The following GRM7 variants were observed in gnomAD, a reference collection of about 807,000 sequenced individuals.
GRM7 encodes the protein metabotropic glutamate receptor 7.
In GRM7, 35 loss-of-function variants were observed where a neutral mutation model predicts 84.5. The ratio of observed to expected loss-of-function variants is 0.41; its 90% confidence interval spans 0.32 to 0.55. The LOEUF is 0.55. GRM7 is among the 20% of genes least tolerant of loss of function. GRM7 has a pLI of 0.19. For missense variants in GRM7, 1,003 were observed against 1,194.6 expected (o/e 0.84, Z 2.36); for synonymous variants, 487 against 455.1 (o/e 1.07, Z -0.89).
chr3:7,350,399 T>C (rs767692156), intron 4 of GRM7, among the ~76,000 whole-genome samples: 17 of 152,068 alleles, frequency 1.1e-4, no homozygotes, highest in Middle Eastern at 3.4e-3. Flanking sequence ...AGTTCTTGAT[T>C]TGGTTGTTTA....
At chr3:7,260,673 T>TTTTGTGTGTGTG (rs1553638949) in intron 2 of GRM7, among the ~76,000 whole-genome samples, 2 of 144,428 alleles carry the variant, frequency 1.4e-5, no homozygotes, top group South Asian at 2.3e-4. Flanking sequence ...TTCTTTTGAA[T>TTTTGTGTGTGTG]TGTGTGTGTG....
chr3:7,419,827 A>G (rs1053713983), intron 5 of GRM7, among the ~76,000 whole-genome samples: 3 of 152,194 alleles, frequency 2.0e-5, no homozygotes, highest in African/African-American at 7.2e-5. Flanking sequence ...TCGCGATGAC[A>G]GAAGATGAAT....
At chr3:7,320,710 G>GTGTA (rs1318478631) in intron 4 of GRM7, among the ~76,000 whole-genome samples, 2 of 151,252 alleles carry the variant, frequency 1.3e-5, no homozygotes, top group African/African-American at 2.4e-5. Flanking sequence ...GTGTGTGTGT[G>GTGTA]TGTGTGTGTG....
intron 7 of GRM7, among the ~76,000 whole-genome samples, chr3:7,499,846 C>T (rs1699827345): frequency 6.6e-6 from 1 of 151,236 alleles, no homozygotes; most frequent in Non-Finnish European, 1.5e-5. Context: ...TCAATCTCGG[C>T]TCACTGCAAG....
chr3:7,427,386 G>A (rs1245909305), intron 5 of GRM7, among the ~76,000 whole-genome samples: 1 of 152,086 alleles, frequency 6.6e-6, no homozygotes, highest in Non-Finnish European at 1.5e-5. Context: ...CATTTTATGT[G>A]TTATGAAGAA....
rs866209584 is a variant in GRM7, at chr3:7,679,967, G to A, written c.2452-82G>A. On this transcript the variant is annotated intron_variant, in intron 8 of 9. Coordinates refer to ENST00000357716, the MANE Select transcript of GRM7 (RefSeq NM_000844.4). ...ATTGCTTTATCTCCTAGCCATAGTC[G>A]TTCTTGACATCGCTTTAAGTGTTCA... The A allele has an allele frequency of 1.3e-4, 176 of 1,317,354 alleles. 2 individuals carry two copies. The highest frequency in any genetic ancestry group is 2.6e-4 in the Admixed American group (14 of 54,096). 81.6% of individuals were successfully genotyped at this position (1,317,354 alleles called of 1,614,324 possible). A position where few individuals can be genotyped will look rare whatever the true frequency, so the allele number is the denominator to read the frequency against.
At chr3:7,315,503 C>G (rs903907286) in intron 4 of GRM7, among the ~76,000 whole-genome samples, 1 of 152,148 alleles carries the variant, frequency 6.6e-6, no homozygotes, top group Non-Finnish European at 1.5e-5. Flanking sequence ...TCCCTATTCT[C>G]CACCCTGAGA....
At chr3:7,714,657 C>A (rs1296852720) in intron 9 of GRM7, among the ~76,000 whole-genome samples, 2 of 152,180 alleles carry the variant, frequency 1.3e-5, no homozygotes, top group African/African-American at 4.8e-5. Context: ...CTGCCTAATG[C>A]TGACTTTGTG....
chr3:7,545,541 T>A (rs926228348), intron 7 of GRM7, among the ~76,000 whole-genome samples: 1 of 152,210 alleles, frequency 6.6e-6, no homozygotes, highest in Non-Finnish European at 1.5e-5. Flanking sequence ...AGTAGTGGCT[T>A]ATTCAGCTTG....
chr3:7,267,041 T>C (rs759471394), intron 2 of GRM7, among the ~76,000 whole-genome samples: 2 of 152,248 alleles, frequency 1.3e-5, no homozygotes, highest in Non-Finnish European at 2.9e-5. Flanking sequence ...TCCTATCTGG[T>C]GCTTTTGTAT....
At chr3:7,568,922 G>A (rs1041328779) in intron 7 of GRM7, among the ~76,000 whole-genome samples, 23 of 151,990 alleles carry the variant, frequency 1.5e-4, no homozygotes, top group Non-Finnish European at 2.9e-4. Flanking sequence ...GACGAGCGCC[G>A]CCCCCTGCTC....
intron 9 of GRM7, among the ~76,000 whole-genome samples, chr3:7,694,083 C>T (rs2279840): frequency 0.31 from 46,755 of 151,794 alleles, 7,775 homozygotes; most frequent in East Asian, 0.7. Flanking sequence ...GGTTCTGACC[C>T]ATTCCCATTT....
intron 5 of GRM7, among the ~76,000 whole-genome samples, chr3:7,430,352 C>G (rs1696776846): frequency 6.6e-6 from 1 of 152,102 alleles, no homozygotes; most frequent in African/African-American, 2.4e-5. Context: ...AGATTTCATA[C>G]AATGGGCCAG....
chr3:7,389,170 T>C (rs1013315988), intron 4 of GRM7, among the ~76,000 whole-genome samples: 3 of 152,182 alleles, frequency 2.0e-5, no homozygotes, highest in Admixed American at 6.5e-5. Context: ...TTAGTTTCTA[T>C]GAATTTGTGT....
intron 8 of GRM7, among the ~76,000 whole-genome samples, chr3:7,653,250 T>G (rs968838170): frequency 2.0e-5 from 3 of 149,676 alleles, no homozygotes; most frequent in South Asian, 4.3e-4. Context: ...TGTAAATGCT[T>G]TTAGGACAAG....
intron 8 of GRM7, among the ~76,000 whole-genome samples, chr3:7,615,035 C>T (rs942181482): frequency 4.6e-5 from 7 of 152,090 alleles, no homozygotes; most frequent in Non-Finnish European, 1.0e-4. Context: ...TGGCATCTTG[C>T]GGTCTTTGAC....
At chr3:7,413,341 C>G (rs1192156774) in intron 4 of GRM7, among the ~76,000 whole-genome samples, 1 of 152,174 alleles carries the variant, frequency 6.6e-6, no homozygotes. Flanking sequence ...ACTTAAGTCT[C>G]TCGTGGACAA....
chr3:7,542,611 A>C (rs1196409853), intron 7 of GRM7, among the ~76,000 whole-genome samples: 1 of 149,096 alleles, frequency 6.7e-6, no homozygotes, highest in Non-Finnish European at 1.5e-5. Context: ...GCAGTCACAC[A>C]ATCTTGGCTC....
chr3:6,922,128 A>T (rs1315430632), intron 1 of GRM7, among the ~76,000 whole-genome samples: 1 of 152,150 alleles, frequency 6.6e-6, no homozygotes, highest in Non-Finnish European at 1.5e-5. Context: ...TTTTTTATAG[A>T]TGTGCAACTG....
Sources: gnomAD v4.1 joint callset for allele counts (sites outside exome capture counted in the v4.1 genomes callset) on GRCh38, gnomAD v4.1.1 for gene constraint, MANE v1.5 for transcripts, NCBI Gene and HGNC (gene_info 2026-07-23, HGNC 2026-07-21) for gene names.